USP32: variants seen among roughly 807,000 people sequenced by gnomAD.
USP32 encodes the protein ubiquitin specific peptidase 32.
USP32 carries 59 observed loss-of-function variants against 204.8 expected under a neutral mutation model. The observed-to-expected ratio is 0.29, with a 90% CI of 0.23 to 0.36. The LOEUF (loss-of-function observed/expected upper bound fraction) is 0.36, where lower values mean the gene tolerates loss of function less well. Among genes scored for constraint, USP32 ranks in the 10% least tolerant of loss-of-function variants. The probability of loss-of-function intolerance (pLI) is 1.00; values close to 1 mark genes in which losing one functional copy is unlikely to be tolerated. For missense variants in USP32, 1,160 were observed against 1,946.4 expected, an observed-to-expected ratio of 0.60 and a Z score of 7.60; for synonymous variants, 517 against 678.4, an observed-to-expected ratio of 0.76 and a Z score of 3.70.
intron 3 of USP32, among the ~76,000 whole-genome samples, chr17:60,300,794 C>T (rs140222871): frequency 3.9e-5 from 6 of 152,306 alleles, no homozygotes; most frequent in African/African-American, 1.4e-4. Context: ...AATTCCAGAA[C>T]ATTTTCGCCA....
Position 60,297,832 on chromosome 17 carries a change from T to C in USP32, c.293-3031A>G, listed in dbSNP as rs189707004. On this transcript the variant is annotated intron_variant, in intron 3 of 33. Transcript: ENST00000300896. The stretch of plus-strand genomic sequence containing the variant: ...AGCACTGGCCTTGAGATAAGCAATA[T>C]TGAAAACAGTTGCAGCTCATTCACC... 5.0e-4 allele frequency among the ~76,000 whole-genome samples: 76 copies of C among 152,308 alleles called. No individual in the cohort carries two copies. The East Asian group carries it at 7.3e-3, about 15-fold the overall frequency.
intron 28 of USP32, among the ~76,000 whole-genome samples, chr17:60,191,399 TTAAAA>T (rs1352915345): frequency 1.9e-5 from 2 of 107,246 alleles, no homozygotes; most frequent in African/African-American, 1.1e-4. Flanking sequence ...GAGACTCTGT[TTAAAA>T]AAAAAAAAAA....
intron 2 of USP32, among the ~76,000 whole-genome samples, chr17:60,338,092 G>A (rs1004438526): frequency 2.0e-5 from 3 of 152,188 alleles, no homozygotes; most frequent in African/African-American, 7.2e-5. Context: ...GGGAGGCTAG[G>A]ACAGGCAGAT....
chr17:60,257,340 G>T (rs1010051820), intron 9 of USP32, among the ~76,000 whole-genome samples: 1 of 152,148 alleles, frequency 6.6e-6, no homozygotes, highest in Non-Finnish European at 1.5e-5. Flanking sequence ...GTGCCAATTG[G>T]GGGGAGTCAG....
At chr17:60,367,045 T>C (rs1289930388) in intron 1 of USP32, among the ~76,000 whole-genome samples, 7 of 152,104 alleles carry the variant, frequency 4.6e-5, no homozygotes, top group African/African-American at 1.7e-4. Flanking sequence ...GCCAGGATGG[T>C]CTCAATCTCC....
intron 1 of USP32, among the ~76,000 whole-genome samples, chr17:60,418,670 A>G (rs181371384): frequency 6.6e-6 from 1 of 152,146 alleles, no homozygotes; most frequent in Non-Finnish European, 1.5e-5. Flanking sequence ...TTACAAGAAT[A>G]AAAACAAACA....
At chr17:60,364,578 T>C (rs566818575) in intron 1 of USP32, among the ~76,000 whole-genome samples, 1 of 152,206 alleles carries the variant, frequency 6.6e-6, no homozygotes, top group Non-Finnish European at 1.5e-5. Context: ...GGTTTCACCA[T>C]GTTGGCCAGA....
chr17:60,222,966 GCCA>G (rs930262972), intron 14 of USP32, among the ~76,000 whole-genome samples: 1 of 152,044 alleles, frequency 6.6e-6, no homozygotes, highest in African/African-American at 2.4e-5. Flanking sequence ...ACAGGCATGA[GCCA>G]CCACGTCCAG....
chr17:60,262,577 T>C (rs1246005665), intron 9 of USP32, among the ~76,000 whole-genome samples: 3 of 152,194 alleles, frequency 2.0e-5, no homozygotes, highest in Admixed American at 6.5e-5. Flanking sequence ...TCTGTTCTAC[T>C]TGAATCTTTG....
intron 2 of USP32, among the ~76,000 whole-genome samples, chr17:60,308,552 A>G (rs891664425): frequency 8.5e-5 from 13 of 152,236 alleles, no homozygotes; most frequent in African/African-American, 3.1e-4. Context: ...ATCTTCACGA[A>G]AAAGCACAAA....
intron 7 of USP32, among the ~76,000 whole-genome samples, chr17:60,267,766 G>T (rs59173316): frequency 0.021 from 3,196 of 151,696 alleles, 134 homozygotes; most frequent in African/African-American, 0.073. Flanking sequence ...TGATCCGCCT[G>T]CCTTGGCCTC....
At chr17:60,337,647 A>C (rs1156799915) in intron 2 of USP32, among the ~76,000 whole-genome samples, 1 of 152,092 alleles carries the variant, frequency 6.6e-6, no homozygotes, top group African/African-American at 2.4e-5. Flanking sequence ...GAGGCTGATG[A>C]GGGAGGACTG....
At chr17:60,343,668 T>TTA (rs2088713743) in intron 2 of USP32, among the ~76,000 whole-genome samples, 1 of 152,114 alleles carries the variant, frequency 6.6e-6, no homozygotes, top group South Asian at 2.1e-4. Context: ...AGAGGGAAAT[T>TTA]TATAGCACTA....
At chr17:60,389,566 CT>C (rs1010457839) in intron 1 of USP32, among the ~76,000 whole-genome samples, 7 of 151,146 alleles carry the variant, frequency 4.6e-5, no homozygotes, top group Non-Finnish European at 8.8e-5. Flanking sequence ...GCTTCATAAA[CT>C]TTTTTTGTAA....
intron 15 of USP32, among the ~76,000 whole-genome samples, chr17:60,220,101 A>G (rs1239660459): frequency 6.6e-6 from 1 of 151,928 alleles, no homozygotes; most frequent in African/African-American, 2.4e-5. Flanking sequence ...TCACACCATA[A>G]GTCTTTTCAT....
chr17:60,295,778 C>T (rs1292431707), intron 3 of USP32, among the ~76,000 whole-genome samples: 5 of 152,018 alleles, frequency 3.3e-5, no homozygotes, highest in Non-Finnish European at 5.9e-5. Flanking sequence ...TTGTTAATAT[C>T]TTACTGTGCC....
At chr17:60,263,236 C>T (rs1374524553) in intron 9 of USP32, among the ~76,000 whole-genome samples, 1 of 152,176 alleles carries the variant, frequency 6.6e-6, no homozygotes, top group Admixed American at 6.5e-5. Flanking sequence ...ATGAGAACTA[C>T]CATGCCCAGC....
At chr17:60,265,015 A>C (rs1467957091) in intron 9 of USP32, among the ~76,000 whole-genome samples, 9 of 152,124 alleles carry the variant, frequency 5.9e-5, no homozygotes, top group Non-Finnish European at 8.8e-5. Flanking sequence ...ACTATTTGTT[A>C]GTTTTGCTTC....
chr17:60,403,041 C>G lies in USP32; in HGVS notation c.106+19205G>C, dbSNP rs553216958. Among the ~76,000 whole-genome samples, 6 of 152,066 alleles carry G rather than the reference C, an allele frequency of 3.9e-5. No individual in the cohort carries two copies. In the South Asian group the frequency reaches 1.2e-3, roughly 32 times the overall value. On this transcript the variant is annotated intron_variant, in intron 1 of 3. Transcript: ENST00000588898. ...CTCTGTTTTTTTTTTGAGACGGAGTCTCGCTCTGTTGCCAGGCTGGAGTGC... is the reference window on the plus strand; with the variant it reads ...CTCTGTTTTTTTTTTGAGACGGAGTGTCGCTCTGTTGCCAGGCTGGAGTGC...
Sources: allele counts gnomAD v4.1 joint callset (sites outside exome capture counted in the v4.1 genomes callset), GRCh38; gene constraint gnomAD v4.1.1; transcripts MANE v1.5; gene names NCBI Gene and HGNC (gene_info 2026-07-23, HGNC 2026-07-21).